CFAP299: variants seen among roughly 807,000 people sequenced by gnomAD.
CFAP299 encodes the protein cilia and flagella associated protein 299.
Under a neutral mutation model 27.0 loss-of-function variants are expected in CFAP299, and 21 were observed. The ratio of observed to expected loss-of-function variants is 0.78; its 90% CI spans 0.55 to 1.12. The LOEUF is 1.12. Among genes scored for constraint, CFAP299 ranks in the 50% most tolerant of loss-of-function variants. The pLI, the probability that CFAP299 is intolerant of heterozygous loss-of-function variation, is 0.00. For missense variants in CFAP299, 310 were observed against 276.6 expected, an observed-to-expected ratio of 1.12 and a Z score of -0.86; for synonymous variants, 104 against 98.1, an observed-to-expected ratio of 1.06 and a Z score of -0.36.
intron 3 of CFAP299, among the ~76,000 whole-genome samples, chr4:80,663,020 A>AT (rs1457603012): frequency 1.4e-5 from 2 of 141,678 alleles, no homozygotes; most frequent in South Asian, 2.2e-4. Context: ...TGTTAAAGGA[A>AT]AAAAAAAAAC....
intron 2 of CFAP299, among the ~76,000 whole-genome samples, chr4:80,581,055 A>G (rs1736137057): frequency 6.6e-6 from 1 of 151,976 alleles, no homozygotes; most frequent in East Asian, 1.9e-4. Flanking sequence ...TGGTTACTAC[A>G]GTATAACCTA....
intron 2 of CFAP299, among the ~76,000 whole-genome samples, chr4:80,423,238 G>A (rs1013378329): frequency 1.3e-5 from 2 of 152,108 alleles, no homozygotes; most frequent in Non-Finnish European, 2.9e-5. Flanking sequence ...CCATCTATAT[G>A]TAAATAACAA....
At chr4:80,591,886 T>C (rs966452397) in intron 3 of CFAP299, among the ~76,000 whole-genome samples, 5 of 152,184 alleles carry the variant, frequency 3.3e-5, no homozygotes, top group Admixed American at 6.5e-5. Flanking sequence ...ACCTTAAAAT[T>C]AGTATGGTTT....
chr4:80,945,348 T>G (rs1737420745), intron 5 of CFAP299, among the ~76,000 whole-genome samples: 1 of 152,182 alleles, frequency 6.6e-6, no homozygotes, highest in South Asian at 2.1e-4. Flanking sequence ...TACCCCTCTG[T>G]GTATGTGACT....
intron 2 of CFAP299, among the ~76,000 whole-genome samples, chr4:80,476,779 C>G (rs1320045950): frequency 2.0e-5 from 3 of 152,088 alleles, no homozygotes; most frequent in Non-Finnish European, 4.4e-5. Context: ...GATCTCCAAT[C>G]CAATTTCTGG....
At chr4:80,420,605 T>C (rs1015124820) in intron 2 of CFAP299, among the ~76,000 whole-genome samples, 8 of 152,204 alleles carry the variant, frequency 5.3e-5, no homozygotes, top group African/African-American at 1.9e-4. Context: ...TGCTCATTTC[T>C]TAATCAGATT....
At chr4:80,932,643 A>C (rs1736678946) in intron 4 of CFAP299, among the ~76,000 whole-genome samples, 1 of 152,224 alleles carries the variant, frequency 6.6e-6, no homozygotes, top group Non-Finnish European at 1.5e-5. Context: ...AACCATAAAA[A>C]AACATGTTTT....
At chr4:80,778,749 T>C (rs1726703727) in intron 3 of CFAP299, among the ~76,000 whole-genome samples, 1 of 152,092 alleles carries the variant, frequency 6.6e-6, no homozygotes, top group Non-Finnish European at 1.5e-5. Context: ...TTTGAAATAA[T>C]TTCACTTACA....
At chr4:80,391,171 G>A (rs946535177) in intron 2 of CFAP299, among the ~76,000 whole-genome samples, 1 of 152,036 alleles carries the variant, frequency 6.6e-6, no homozygotes, top group African/African-American at 2.4e-5. Flanking sequence ...TGTGAATAAT[G>A]CTGCAGTGAA....
At chr4:80,899,754 C>T (rs1391172219) in intron 4 of CFAP299, among the ~76,000 whole-genome samples, 1 of 152,156 alleles carries the variant, frequency 6.6e-6, no homozygotes, top group East Asian at 1.9e-4. Flanking sequence ...GGGTTCAAAT[C>T]CTGGCTCTGC....
intron 2 of CFAP299, among the ~76,000 whole-genome samples, chr4:80,522,557 T>G (rs1277708892): frequency 6.6e-6 from 1 of 152,162 alleles, no homozygotes; most frequent in East Asian, 1.9e-4. Context: ...TTTGGTGTCA[T>G]ACAAGAAATC....
At chr4:80,791,382 A>T (rs999214205) in intron 3 of CFAP299, among the ~76,000 whole-genome samples, 19 of 152,024 alleles carry the variant, frequency 1.2e-4, no homozygotes, top group Admixed American at 9.8e-4. Flanking sequence ...ATTATTGGAG[A>T]TAATGGTGCC....
chr4:80,793,253 G>A (rs1031285432), intron 3 of CFAP299, among the ~76,000 whole-genome samples: 6 of 152,016 alleles, frequency 3.9e-5, no homozygotes, highest in African/African-American at 1.4e-4. Context: ...TGATGTTCAA[G>A]GGCAGGAAGC....
At position 80,600,468 on chromosome 4, in the gene CFAP299, A is replaced by C. The variant is rs377209187; in HGVS notation, c.333+17285A>C. ...CTGTTTAGGTCTGTTTTCTCTTTTG[A>C]CAGTGTACGTTTATTTTCCAAATAC... On this transcript the variant is annotated intron_variant, in intron 3 of 5. Coordinates refer to ENST00000358105, the MANE Select transcript of CFAP299 (RefSeq NM_152770.3). Among the ~76,000 whole-genome samples the C allele has an allele frequency of 9.0e-4, 137 of 152,200 alleles. No individual in the cohort carries two copies. The South Asian group carries it at 0.018, about 20-fold the overall frequency.
chr4:80,485,192 C>G lies in CFAP299; in HGVS notation c.243-97901C>G, dbSNP rs576113761. Among the ~76,000 whole-genome samples, 75 of 151,384 alleles carry G rather than the reference C, an allele frequency of 5.0e-4. 1 individual carries two copies. Among genetic ancestry groups the G allele is most frequent in the African/African-American group, 1.7e-3 (72 of 41,338 alleles). ...GAAGTTGAATCTGACCCTAACAGAGCCCTTAGCTCTAACTACAATTTTCAT... is the reference window on the plus strand; with the variant it reads ...GAAGTTGAATCTGACCCTAACAGAGGCCTTAGCTCTAACTACAATTTTCAT... On this transcript the variant is annotated intron_variant, in intron 2 of 5. Transcript: ENST00000358105.
intron 2 of CFAP299, among the ~76,000 whole-genome samples, chr4:80,434,545 A>G (rs13151878): frequency 6.6e-6 from 1 of 152,200 alleles, no homozygotes; most frequent in Non-Finnish European, 1.5e-5. Flanking sequence ...TAAGAGCAAT[A>G]CCTTAGAGAT....
At chr4:80,820,047 A>T (rs1410585399) in intron 3 of CFAP299, among the ~76,000 whole-genome samples, 1 of 152,194 alleles carries the variant, frequency 6.6e-6, no homozygotes, top group Non-Finnish European at 1.5e-5. Flanking sequence ...ATAAATAGTA[A>T]GAAAGCTTGA....
chr4:80,370,692 C>T (rs1371775331), intron 2 of CFAP299, among the ~76,000 whole-genome samples: 4 of 152,238 alleles, frequency 2.6e-5, no homozygotes, highest in Non-Finnish European at 5.9e-5. Context: ...CCATGTCTTA[C>T]ATCCAGGGCA....
intron 3 of CFAP299, among the ~76,000 whole-genome samples, chr4:80,760,093 T>G (rs956134827): frequency 1.3e-5 from 2 of 152,200 alleles, no homozygotes; most frequent in African/African-American, 4.8e-5. Context: ...TTTAAATTTC[T>G]AAATTCATTC....
Sources: gnomAD v4.1 joint callset for allele counts (sites outside exome capture counted in the v4.1 genomes callset) on GRCh38, gnomAD v4.1.1 for gene constraint, MANE v1.5 for transcripts, NCBI Gene and HGNC (gene_info 2026-07-23, HGNC 2026-07-21) for gene names.